Variants in LHFPL3 observed in about 807,000 individuals in gnomAD.
LHFPL3 encodes the protein LHFPL tetraspan subfamily member 3 protein.
In LHFPL3, 5 loss-of-function variants were observed where a neutral mutation model predicts 19.3. The observed-to-expected ratio is 0.26, with a 90% CI of 0.14 to 0.54. The LOEUF (loss-of-function observed/expected upper bound fraction) is 0.54, where lower values mean the gene tolerates loss of function less well. Among genes scored for constraint, LHFPL3 ranks in the 20% least tolerant of loss-of-function variants. LHFPL3 has a pLI of 0.94. For missense variants in LHFPL3, 249 were observed against 307.4 expected (o/e 0.81, Z 1.42); for synonymous variants, 133 against 126.2 (o/e 1.05, Z -0.36).
chr7:104,695,239 T>A lies in LHFPL3; in HGVS notation c.446-41436T>A, dbSNP rs76403468. Among the ~76,000 whole-genome samples, 646 of 152,310 alleles carry A rather than the reference T, an allele frequency of 4.2e-3. 25 individuals are homozygous for A. The East Asian group carries it at 0.091, about 21-fold the overall frequency. On this transcript the variant is annotated intron_variant, in intron 1 of 2. Transcript: ENST00000424859. The stretch of plus-strand genomic sequence containing the variant: ...ACTTCAGCCTCCCAAAGGGCTGCAA[T>A]TACAGGCATGAGACATGCACCAGGC...
intron 1 of LHFPL3, among the ~76,000 whole-genome samples, chr7:104,434,471 A>G (rs951001019): frequency 5.3e-5 from 8 of 152,256 alleles, no homozygotes; most frequent in African/African-American, 1.9e-4. Flanking sequence ...ACAGAAAACT[A>G]TAAGAATCAC....
intron 1 of LHFPL3, among the ~76,000 whole-genome samples, chr7:104,723,912 G>T (rs755776309): frequency 6.6e-6 from 1 of 152,076 alleles, no homozygotes; most frequent in Non-Finnish European, 1.5e-5. Context: ...CTCCTGGTCA[G>T]GAAATAGCAT....
intron 1 of LHFPL3, among the ~76,000 whole-genome samples, chr7:104,449,742 A>G (rs1217481426): frequency 6.6e-6 from 1 of 152,208 alleles, no homozygotes; most frequent in East Asian, 1.9e-4. Flanking sequence ...AGACCAAAGG[A>G]CATCACTCCA....
At chr7:104,442,486 A>G (rs984222324) in intron 1 of LHFPL3, among the ~76,000 whole-genome samples, 1 of 152,236 alleles carries the variant, frequency 6.6e-6, no homozygotes, top group African/African-American at 2.4e-5. Flanking sequence ...AAAAGTATCC[A>G]AAATCTAGAA....
intron 1 of LHFPL3, among the ~76,000 whole-genome samples, chr7:104,337,939 A>G (rs1789860920): frequency 1.3e-5 from 2 of 152,186 alleles, no homozygotes; most frequent in Admixed American, 1.3e-4. Context: ...GGAATGCTCT[A>G]CTGTAGTGTT....
intron 1 of LHFPL3, among the ~76,000 whole-genome samples, chr7:104,427,138 G>C (rs1414518607): frequency 6.6e-6 from 1 of 152,176 alleles, no homozygotes; most frequent in Non-Finnish European, 1.5e-5. Flanking sequence ...ATCCAGGAGA[G>C]CCTGGCCATT....
chr7:104,381,470 G>T (rs1790828077), intron 1 of LHFPL3, among the ~76,000 whole-genome samples: 1 of 151,610 alleles, frequency 6.6e-6, no homozygotes, highest in African/African-American at 2.4e-5. Context: ...AATGCCCTTT[G>T]CCCCATTTAT....
chr7:104,622,299 G>A (rs1791460872), intron 1 of LHFPL3, among the ~76,000 whole-genome samples: 1 of 152,108 alleles, frequency 6.6e-6, no homozygotes. Flanking sequence ...TTCTTCTAGA[G>A]ATGGAGTTTT....
intron 2 of LHFPL3, chr7:104,768,732 T>G (rs1407082506): frequency 1.3e-5 from 2 of 152,238 alleles, no homozygotes; most frequent in Non-Finnish European, 2.9e-5. Flanking sequence ...TCCTTTTAGA[T>G]GACAACTTTG....
chr7:104,726,055 CAA>C (rs56697785), intron 1 of LHFPL3, among the ~76,000 whole-genome samples: 144 of 75,056 alleles, frequency 1.9e-3, no homozygotes, highest in South Asian at 0.01. Context: ...CCATCTCAGG[CAA>C]AAAAAAAAAA....
chr7:104,492,454 C>A (rs1470093191), intron 1 of LHFPL3, among the ~76,000 whole-genome samples: 1 of 152,172 alleles, frequency 6.6e-6, no homozygotes, highest in African/African-American at 2.4e-5. Context: ...GACCCGGGAC[C>A]ATGTTGCATT....
At chr7:104,552,079 GTTAC>G (rs1391706764) in intron 1 of LHFPL3, among the ~76,000 whole-genome samples, 3 of 152,194 alleles carry the variant, frequency 2.0e-5, no homozygotes, top group African/African-American at 7.2e-5. Context: ...CCTTGGGCAA[GTTAC>G]TTAATCTCCC....
intron 1 of LHFPL3, among the ~76,000 whole-genome samples, chr7:104,665,831 A>G (rs1478627484): frequency 6.6e-6 from 1 of 152,150 alleles, no homozygotes. Context: ...TGTCTTTACA[A>G]TCTCCTAACT....
chr7:104,819,377 G>GAAAA (rs34477587), intron 2 of LHFPL3, among the ~76,000 whole-genome samples: 2 of 125,862 alleles, frequency 1.6e-5, no homozygotes, highest in Non-Finnish European at 1.7e-5. Context: ...TTTAGATCTG[G>GAAAA]AAAAAAAAAA....
chr7:104,383,728 T>A (rs1212243643), intron 1 of LHFPL3, among the ~76,000 whole-genome samples: 1 of 152,248 alleles, frequency 6.6e-6, no homozygotes, highest in Non-Finnish European at 1.5e-5. Flanking sequence ...TAGGAATTGC[T>A]TATCCTTTTT....
At chr7:104,645,654 CTTTTTTT>C (rs869151153) in intron 1 of LHFPL3, among the ~76,000 whole-genome samples, 2 of 81,618 alleles carry the variant, frequency 2.5e-5, no homozygotes, top group African/African-American at 5.1e-5. Flanking sequence ...ATTGGGTTTT[CTTTTTTT>C]TTTTTTTTTT....
chr7:104,872,114 G>A (rs1337601875), intron 2 of LHFPL3, among the ~76,000 whole-genome samples: 1 of 151,666 alleles, frequency 6.6e-6, no homozygotes, highest in African/African-American at 2.4e-5. Flanking sequence ...CAAGCCGGGT[G>A]GATCATGAGG....
intron 1 of LHFPL3, among the ~76,000 whole-genome samples, chr7:104,712,781 A>C (rs559185175): frequency 9.2e-5 from 14 of 152,340 alleles, no homozygotes; most frequent in African/African-American, 3.4e-4. Context: ...GTTTTAAGCC[A>C]CCAAGTTTTT....
intron 1 of LHFPL3, among the ~76,000 whole-genome samples, chr7:104,606,041 T>A: frequency 6.6e-6 from 1 of 152,180 alleles, no homozygotes; most frequent in African/African-American, 2.4e-5. Context: ...TATTTTTATT[T>A]TTGGAAACAG....
Sources: allele counts gnomAD v4.1 joint callset (sites outside exome capture counted in the v4.1 genomes callset), GRCh38; gene constraint gnomAD v4.1.1; transcripts MANE v1.5; gene names NCBI Gene and HGNC (gene_info 2026-07-23, HGNC 2026-07-21).